The following PINX1 variants were observed in gnomAD, a reference collection of about 807,000 sequenced individuals.
The protein encoded by PINX1 is PIN2/TERF1-interacting telomerase inhibitor 1.
In PINX1, 34 loss-of-function variants were observed where a neutral mutation model predicts 25.4. The ratio of observed to expected loss-of-function variants is 1.34; its 90% confidence interval spans 1.02 to 1.78. The LOEUF (loss-of-function observed/expected upper bound fraction) is 1.78. Ranked by LOEUF, PINX1 falls within the 40% of genes most tolerant of loss-of-function variation. The pLI is 0.00. For synonymous variants in PINX1, 197 were observed against 147.7 expected (o/e 1.33, Z -2.42); for missense variants, 592 against 404.9 (o/e 1.46, Z -3.97).
rs6999629 is a variant in PINX1, at chr8:10,800,531, G to C, written c.471+19662C>G. ...GTTGCCCAGGCTGGAGTGCAGTGGC[G>C]TGATCTCAGCTCACTGCAGCCTCCG... On this transcript the variant is annotated intron_variant, in intron 6 of 6. Coordinates refer to ENST00000314787, the MANE Select transcript of PINX1 (RefSeq NM_017884.6). Among the ~76,000 whole-genome samples, 1,468 of 150,760 alleles carry C rather than the reference G, an allele frequency of 9.7e-3. 17 individuals carry two copies. Among genetic ancestry groups the C allele is most frequent in the African/African-American group, 0.026 (1,058 of 40,940 alleles).
chr8:10,819,603 A>C (rs760276996), intron 6 of PINX1, among the ~76,000 whole-genome samples: 7 of 152,244 alleles, frequency 4.6e-5, no homozygotes, highest in Non-Finnish European at 7.3e-5. Context: ...CAATTTAATA[A>C]TTAGAATAAA....
chr8:10,810,605 C>T (rs1797475346), intron 6 of PINX1, among the ~76,000 whole-genome samples: 1 of 152,170 alleles, frequency 6.6e-6, no homozygotes, highest in South Asian at 2.1e-4. Context: ...TATAAAAATT[C>T]CTGCCCTCAC....
At chr8:10,819,350 T>C (rs1797796129) in intron 6 of PINX1, among the ~76,000 whole-genome samples, 1 of 152,222 alleles carries the variant, frequency 6.6e-6, no homozygotes, top group Admixed American at 6.5e-5. Context: ...TTCTTTTTTG[T>C]TCTATGGTCA....
chr8:10,837,699 A>C (rs573608135), intron 1 of PINX1, among the ~76,000 whole-genome samples: 40 of 152,340 alleles, frequency 2.6e-4, no homozygotes, highest in African/African-American at 9.6e-4. Context: ...GGGCAAATCC[A>C]ATAAAAACCA....
At chr8:10,813,007 G>A (rs1023634265) in intron 6 of PINX1, among the ~76,000 whole-genome samples, 1 of 152,218 alleles carries the variant, frequency 6.6e-6, no homozygotes, top group African/African-American at 2.4e-5. Flanking sequence ...TTAAAGCAGT[G>A]AAAATGTTTT....
intron 6 of PINX1, among the ~76,000 whole-genome samples, chr8:10,775,409 G>GGT (rs1801357031): frequency 8.2e-5 from 4 of 48,928 alleles, no homozygotes; most frequent in African/African-American, 4.4e-4. Context: ...TCTGTTTTGT[G>GGT]GTTTTTTTTT....
chr8:10,777,806 T>C (rs976913477), intron 6 of PINX1, among the ~76,000 whole-genome samples: 5 of 152,176 alleles, frequency 3.3e-5, no homozygotes, highest in Non-Finnish European at 7.3e-5. Context: ...CACTGCCTTG[T>C]GCGACTGGCT....
Position 10,839,759 on chromosome 8 carries a change from C to G in PINX1, c.-3G>C. ...TCACGTTCAGCCAGCATAGACATGTCGGAGAGCCTGTGATACCGCCGCCTC... is the reference window on the plus strand; with the variant it reads ...TCACGTTCAGCCAGCATAGACATGTGGGAGAGCCTGTGATACCGCCGCCTC... On this transcript the variant is annotated 5_prime_UTR_variant, in exon 1 of 7. Coordinates refer to ENST00000314787, the MANE Select transcript of PINX1 (RefSeq NM_017884.6). The G allele has an allele frequency of 6.2e-7, 1 of 1,603,876 alleles. No homozygotes were observed. Among genetic ancestry groups the G allele is most frequent in the Admixed American group, 1.7e-5 (1 of 59,102 alleles).
At position 10,820,609 on chromosome 8, in the gene PINX1, C is replaced by T. The variant is rs1284742824; in HGVS notation, c.395-340G>A. ...GATGCAATTCCTGGGTCTCTGGGTT[C>T]TTCATTTAAAAATAGATCTCATTTG... On this transcript the variant is annotated intron_variant, in intron 5 of 6. Transcript: ENST00000314787. 4.6e-5 allele frequency among the ~76,000 whole-genome samples: 7 copies of T among 152,106 alleles called. No homozygotes were observed. In the East Asian group the frequency reaches 1.3e-3, roughly 29 times the overall value.
At chr8:10,809,049 C>G (rs983711072) in intron 6 of PINX1, among the ~76,000 whole-genome samples, 1 of 152,196 alleles carries the variant, frequency 6.6e-6, no homozygotes, top group Non-Finnish European at 1.5e-5. Context: ...TCCCCTTTGA[C>G]TGATTAATTA....
chr8:10,785,041 T>A (rs1801703409), intron 6 of PINX1, among the ~76,000 whole-genome samples: 1 of 152,138 alleles, frequency 6.6e-6, no homozygotes, highest in South Asian at 2.1e-4. Context: ...CTAATAAACA[T>A]AAAGAGCGTA....
chr8:10,838,720 T>G (rs1270120524), intron 1 of PINX1, among the ~76,000 whole-genome samples: 1 of 152,198 alleles, frequency 6.6e-6, no homozygotes, highest in Non-Finnish European at 1.5e-5. Flanking sequence ...TAAAACATAC[T>G]CATTTCTATG....
chr8:10,765,388 G>T lies in PINX1; in HGVS notation c.*13C>A. 6.3e-7 allele frequency: 1 copy of T among 1,578,346 alleles called. No homozygotes were observed. The highest frequency in any genetic ancestry group is 8.6e-7 in the Non-Finnish European group (1 of 1,166,942). ...GACAGCTGAGTGGTCGGAAGGCCCC[G>T]GCTGGGAAGGATTCATTTGGAATCT... On this transcript the variant is annotated 3_prime_UTR_variant, in exon 7 of 7. Coordinates refer to ENST00000314787, the MANE Select transcript of PINX1 (RefSeq NM_017884.6).
At chr8:10,813,508 C>T (rs1159234224) in intron 6 of PINX1, among the ~76,000 whole-genome samples, 3 of 152,108 alleles carry the variant, frequency 2.0e-5, no homozygotes. Context: ...GCTCGGAATT[C>T]ATTTTCAGAC....
At chr8:10,820,906 A>G (rs1797846813) in intron 5 of PINX1, among the ~76,000 whole-genome samples, 1 of 152,244 alleles carries the variant, frequency 6.6e-6, no homozygotes, top group African/African-American at 2.4e-5. Flanking sequence ...AAAGCTACAT[A>G]GGGAGAGTAG....
intron 6 of PINX1, among the ~76,000 whole-genome samples, chr8:10,802,880 T>C (rs189379082): frequency 6.6e-6 from 1 of 152,278 alleles, no homozygotes; most frequent in East Asian, 1.9e-4. Flanking sequence ...TCTACTAATA[T>C]TAGTATACAC....
chr8:10,795,965 C>A (rs1386439728), intron 6 of PINX1, among the ~76,000 whole-genome samples: 1 of 151,854 alleles, frequency 6.6e-6, no homozygotes, highest in Non-Finnish European at 1.5e-5. Flanking sequence ...GCTTTAGTTG[C>A]CTAAAGGTGG....
intron 5 of PINX1, among the ~76,000 whole-genome samples, chr8:10,822,430 GT>G (rs1377269611): frequency 6.6e-6 from 1 of 152,200 alleles, no homozygotes; most frequent in Non-Finnish European, 1.5e-5. Context: ...TCTGGATTTG[GT>G]TCATCTATTA....
chr8:10,835,855 C>G (rs1798389632), intron 1 of PINX1, among the ~76,000 whole-genome samples: 1 of 151,998 alleles, frequency 6.6e-6, no homozygotes, highest in South Asian at 2.1e-4. Context: ...TGAATCTCAT[C>G]AAAGCAACTT....
Sources: allele counts gnomAD v4.1 joint callset (sites outside exome capture counted in the v4.1 genomes callset), GRCh38; gene constraint gnomAD v4.1.1; transcripts MANE v1.5; gene names NCBI Gene and HGNC (gene_info 2026-07-23, HGNC 2026-07-21).